Variants in USP32 observed in about 807,000 individuals in gnomAD.
The protein encoded by USP32 is ubiquitin specific peptidase 32, also known as ubiquitin carboxyl-terminal hydrolase 32.
A neutral mutation model predicts 204.8 loss-of-function variants in USP32; 59 were observed. The observed-to-expected ratio is 0.29, with a 90% CI of 0.23 to 0.36. The LOEUF is 0.36. Among genes scored for constraint, USP32 ranks in the 10% least tolerant of loss-of-function variants. The pLI is 1.00. For synonymous variants in USP32, 517 were observed against 678.4 expected, an observed-to-expected ratio of 0.76 and a Z score of 3.70; for missense variants, 1,160 against 1,946.4, an observed-to-expected ratio of 0.60 and a Z score of 7.60.
At chr17:60,203,269 C>T (rs1482509713) in intron 26 of USP32, among the ~76,000 whole-genome samples, 3 of 151,402 alleles carry the variant, frequency 2.0e-5, no homozygotes, top group African/African-American at 7.3e-5. Flanking sequence ...GGCATGGTGG[C>T]GTGCACCTGT....
At chr17:60,340,775 G>C (rs530846877) in intron 2 of USP32, among the ~76,000 whole-genome samples, 89 of 152,108 alleles carry the variant, frequency 5.9e-4, no homozygotes, top group Non-Finnish European at 1.0e-3. Context: ...CAATGATCTT[G>C]ACAATTTGGC....
At chr17:60,251,137 C>T (rs2086155505) in intron 11 of USP32, among the ~76,000 whole-genome samples, 1 of 151,750 alleles carries the variant, frequency 6.6e-6, no homozygotes, top group African/African-American at 2.4e-5. Context: ...AAGACAGGGT[C>T]TCACCATGTT....
intron 33 of USP32, 144 bp from the exon 34 acceptor site, chr17:60,179,572 C>T: frequency 2.9e-6 from 3 of 1,035,048 alleles, no homozygotes; most frequent in East Asian, 5.1e-5. Context: ...CTCACACCTG[C>T]CCCTTTAAGA....
At chr17:60,389,991 T>C (rs962444411) in intron 1 of USP32, among the ~76,000 whole-genome samples, 4 of 152,084 alleles carry the variant, frequency 2.6e-5, no homozygotes, top group Non-Finnish European at 4.4e-5. Flanking sequence ...CACTCCAGCC[T>C]GGGCAACAGA....
chr17:60,347,497 G>A (rs1598272054), intron 1 of USP32, among the ~76,000 whole-genome samples: 1 of 151,830 alleles, frequency 6.6e-6, no homozygotes, highest in East Asian at 2.0e-4. Context: ...GGGACTACAG[G>A]CGCCCGCCAC....
At chr17:60,207,928 G>A (rs2084869610) in intron 24 of USP32, 131 bp downstream of exon 24, 1 of 1,440,046 alleles carries the variant, frequency 6.9e-7, no homozygotes. Context: ...ATTTTTTGTT[G>A]TTGTTGTTCA....
chr17:60,318,015 A>C (rs1207706194), intron 2 of USP32, among the ~76,000 whole-genome samples: 1 of 152,206 alleles, frequency 6.6e-6, no homozygotes, highest in African/African-American at 2.4e-5. Flanking sequence ...AACAAAAAAA[A>C]CAGCCAACTG....
chr17:60,257,276 GGAAA>G (rs1344688277), intron 9 of USP32, among the ~76,000 whole-genome samples: 8 of 152,116 alleles, frequency 5.3e-5, no homozygotes, highest in African/African-American at 1.9e-4. Context: ...GGAGAGGATT[GGAAA>G]GTCCTTCGGC....
intron 26 of USP32, among the ~76,000 whole-genome samples, chr17:60,204,763 CTGGCCATT>C (rs2084779712): frequency 6.6e-6 from 1 of 151,826 alleles, no homozygotes; most frequent in African/African-American, 2.4e-5. Flanking sequence ...GCCACCGCAC[CTGGCCATT>C]TTCTTTCTTT....
intron 2 of USP32, among the ~76,000 whole-genome samples, chr17:60,306,632 C>T (rs747705982): frequency 4.6e-5 from 7 of 150,612 alleles, no homozygotes; most frequent in Non-Finnish European, 8.8e-5. Flanking sequence ...AGCAAGACTC[C>T]GTCTCGAAAG....
intron 11 of USP32, among the ~76,000 whole-genome samples, chr17:60,247,289 C>G (rs931193700): frequency 6.6e-6 from 1 of 151,946 alleles, no homozygotes; most frequent in Admixed American, 6.6e-5. Flanking sequence ...AAGCAGTTTT[C>G]CCACCTCAGC....
intron 1 of USP32, among the ~76,000 whole-genome samples, chr17:60,359,992 C>T (rs991571239): frequency 6.6e-6 from 1 of 151,816 alleles, no homozygotes; most frequent in African/African-American, 2.4e-5. Flanking sequence ...CTCAGCCCCC[C>T]GAGTAGCTGG....
At chr17:60,253,746 G>A (rs1040583401) in intron 10 of USP32, among the ~76,000 whole-genome samples, 9 of 151,904 alleles carry the variant, frequency 5.9e-5, no homozygotes, top group Admixed American at 2.0e-4. Context: ...CAGCCTGGGC[G>A]ACAGAGCAAG....
chr17:60,294,381 G>GTAGTGTGTGTGTGT (rs1470471602), intron 4 of USP32, among the ~76,000 whole-genome samples: 1 of 115,268 alleles, frequency 8.7e-6, no homozygotes, highest in Non-Finnish European at 1.6e-5. Flanking sequence ...GGTTCCTGCA[G>GTAGTGTGTGTGTGT]GAGTGTGTGT....
chr17:60,382,578 G>T (rs527859109), intron 1 of USP32, among the ~76,000 whole-genome samples: 25 of 152,200 alleles, frequency 1.6e-4, no homozygotes, highest in African/African-American at 6.0e-4. Flanking sequence ...GAAAAAAAAA[G>T]TTAATCATAA....
chr17:60,205,153 T>C (rs1403067531), intron 26 of USP32, among the ~76,000 whole-genome samples: 2 of 152,188 alleles, frequency 1.3e-5, no homozygotes, highest in Non-Finnish European at 2.9e-5. Flanking sequence ...TGTTGCCTCT[T>C]AATATACGGA....
chr17:60,247,887 C>T (rs926805833), intron 11 of USP32, among the ~76,000 whole-genome samples: 26 of 151,918 alleles, frequency 1.7e-4, no homozygotes, highest in African/African-American at 6.0e-4. Context: ...GGTTTCACCG[C>T]GTTAGCCAGT....
At chr17:60,361,935 A>G (rs2089215606) in intron 1 of USP32, among the ~76,000 whole-genome samples, 2 of 152,144 alleles carry the variant, frequency 1.3e-5, no homozygotes, top group South Asian at 4.1e-4. Context: ...CAGTATTACT[A>G]TATGTGGGTA....
At chr17:60,217,200 A>G (rs1228013405) in intron 16 of USP32, among the ~76,000 whole-genome samples, 1 of 152,212 alleles carries the variant, frequency 6.6e-6, no homozygotes, top group South Asian at 2.1e-4. Flanking sequence ...AATCTAGTGG[A>G]ATTTATAGAA....
Sources: gnomAD v4.1 joint callset for allele counts (sites outside exome capture counted in the v4.1 genomes callset) on GRCh38, gnomAD v4.1.1 for gene constraint, MANE v1.5 for transcripts, NCBI Gene and HGNC (gene_info 2026-07-23, HGNC 2026-07-21) for gene names.